Variants in ABLIM1 observed in about 807,000 individuals in gnomAD.
ABLIM1 encodes the protein actin binding LIM protein 1.
ABLIM1 carries 40 observed loss-of-function variants against 107.0 expected under a neutral mutation model. The ratio of observed to expected loss-of-function variants is 0.37; its 90% CI spans 0.29 to 0.49. ABLIM1 has a LOEUF of 0.49. ABLIM1 is among the 20% of genes least tolerant of loss of function. The probability of loss-of-function intolerance (pLI) is 0.97; values close to 1 mark genes in which losing one functional copy is unlikely to be tolerated. For synonymous variants in ABLIM1, 357 were observed against 357.3 expected (o/e 1.00, Z 0.01); for missense variants, 857 against 1,008.5 (o/e 0.85, Z 2.04).
intron 1 of ABLIM1, among the ~76,000 whole-genome samples, chr10:114,751,048 T>G (rs1367842505): frequency 2.0e-5 from 3 of 152,200 alleles, no homozygotes; most frequent in Non-Finnish European, 4.4e-5. Context: ...GATGCTTTAC[T>G]GCAAAGTCAA....
chr10:114,563,845 C>CAA (rs11285267), intron 4 of ABLIM1, among the ~76,000 whole-genome samples: 119 of 79,814 alleles, frequency 1.5e-3, no homozygotes, highest in African/African-American at 5.4e-3. Context: ...GGCTCCGTCT[C>CAA]AAAAAAAAAA....
In ABLIM1 at chr10:114,541,489, G is replaced by T. The variant is rs115924693; in HGVS notation, c.894+3516C>A. On this transcript the variant is annotated intron_variant, in intron 6 of 22. Transcript: ENST00000533213. ...ACCCAAGCATGAGAGGCCGAGGGAG[G>T]AGTGTGTGGAGACCGTCCTGCTTTG... Among the ~76,000 whole-genome samples the T allele has an allele frequency of 2.4e-3, 372 of 151,904 alleles. 3 individuals carry two copies. Among genetic ancestry groups the T allele is most frequent in the African/African-American group, 8.7e-3 (360 of 41,416 alleles).
At chr10:114,556,563 C>T (rs1326577132) in intron 4 of ABLIM1, among the ~76,000 whole-genome samples, 1 of 152,178 alleles carries the variant, frequency 6.6e-6, no homozygotes, top group East Asian at 1.9e-4. Context: ...CCCAGACTTT[C>T]CTTATGTTAT....
At chr10:114,765,290 C>A (rs1225694131) in intron 1 of ABLIM1, among the ~76,000 whole-genome samples, 1 of 152,046 alleles carries the variant, frequency 6.6e-6, no homozygotes, top group African/African-American at 2.4e-5. Context: ...CATGTTCCAC[C>A]CACCTCAGCC....
At chr10:114,752,612 C>A (rs2082540003) in intron 1 of ABLIM1, among the ~76,000 whole-genome samples, 4 of 152,074 alleles carry the variant, frequency 2.6e-5, no homozygotes, top group Admixed American at 2.0e-4. Context: ...GCCAACAGGC[C>A]CCAGTGTGTG....
intron 17 of ABLIM1, among the ~76,000 whole-genome samples, chr10:114,442,506 T>C (rs1420682879): frequency 1.3e-5 from 2 of 152,232 alleles, no homozygotes; most frequent in Non-Finnish European, 2.9e-5. Context: ...TATACATTCT[T>C]ATAGAGCAGA....
intron 22 of ABLIM1, among the ~76,000 whole-genome samples, chr10:114,436,578 C>T (rs768903177): frequency 5.9e-5 from 9 of 152,118 alleles, no homozygotes; most frequent in Non-Finnish European, 1.0e-4. Context: ...GATAAAAGAG[C>T]TGGCAGAGTA....
chr10:114,473,173 G>T, intron 9 of ABLIM1, 41 bp from the exon 10 acceptor site: 3 of 1,568,948 alleles, frequency 1.9e-6, no homozygotes, highest in South Asian at 2.4e-5. Context: ...CTTGTAGTCT[G>T]ACTGCTTTAG....
chr10:114,657,168 A>G (rs2079562673), intron 1 of ABLIM1, among the ~76,000 whole-genome samples: 1 of 152,232 alleles, frequency 6.6e-6, no homozygotes. Context: ...CTGGCTGTCC[A>G]AGAATGACGA....
At chr10:114,489,020 A>ATT (rs915410672) in intron 7 of ABLIM1, among the ~76,000 whole-genome samples, 2 of 150,546 alleles carry the variant, frequency 1.3e-5, no homozygotes, top group African/African-American at 4.9e-5. Context: ...TCTTTACCTC[A>ATT]TTTTTTTTTC....
intron 11 of ABLIM1, among the ~76,000 whole-genome samples, chr10:114,466,049 A>C (rs1196942517): frequency 6.6e-6 from 1 of 152,188 alleles, no homozygotes; most frequent in Non-Finnish European, 1.5e-5. Context: ...CTTATTACAA[A>C]ATTTTAAGAG....
chr10:114,566,091 G>T (rs74748267), intron 4 of ABLIM1, among the ~76,000 whole-genome samples: 7 of 152,160 alleles, frequency 4.6e-5, no homozygotes, highest in Non-Finnish European at 1.0e-4. Context: ...CACCGCGCCC[G>T]GTCGAAATGA....
At chr10:114,531,250 T>G (rs1164712547) in intron 6 of ABLIM1, among the ~76,000 whole-genome samples, 1 of 152,188 alleles carries the variant, frequency 6.6e-6, no homozygotes, top group Non-Finnish European at 1.5e-5. Context: ...GTTTTATAAA[T>G]GAAGAAAATG....
intron 8 of ABLIM1, among the ~76,000 whole-genome samples, chr10:114,474,400 A>T (rs1384567422): frequency 1.2e-3 from 50 of 42,278 alleles, no homozygotes; most frequent in Non-Finnish European, 6.9e-4. Context: ...TTTTTTTTTG[A>T]GACGGAGTCT....
chr10:114,584,806 T>C (rs2074006422), intron 2 of ABLIM1, among the ~76,000 whole-genome samples: 1 of 152,176 alleles, frequency 6.6e-6, no homozygotes, highest in Admixed American at 6.5e-5. Flanking sequence ...TGTATTTAAT[T>C]CAGAGTTTGA....
intron 1 of ABLIM1, among the ~76,000 whole-genome samples, chr10:114,664,422 T>C (rs1159900726): frequency 1.3e-5 from 2 of 152,236 alleles, no homozygotes; most frequent in Admixed American, 1.3e-4. Flanking sequence ...ACCATGCCAC[T>C]GTATCGTTAC....
chr10:114,756,714 T>C (rs2082637766), intron 1 of ABLIM1, among the ~76,000 whole-genome samples: 1 of 152,230 alleles, frequency 6.6e-6, no homozygotes, highest in Admixed American at 6.5e-5. Flanking sequence ...TTCCTGTGCT[T>C]AGAATGCTTT....
intron 6 of ABLIM1, among the ~76,000 whole-genome samples, chr10:114,492,128 CTA>C (rs1297449797): frequency 2.6e-5 from 4 of 152,036 alleles, no homozygotes; most frequent in African/African-American, 4.8e-5. Flanking sequence ...TTTCTGGCTT[CTA>C]TGTCTCCCTC....
chr10:114,642,367 A>T, intron 1 of ABLIM1, among the ~76,000 whole-genome samples: 1 of 152,220 alleles, frequency 6.6e-6, no homozygotes, highest in East Asian at 1.9e-4. Context: ...ACAGGACTAG[A>T]TGAAAAAGGT....
Sources: allele counts gnomAD v4.1 joint callset (sites outside exome capture counted in the v4.1 genomes callset), GRCh38; gene constraint gnomAD v4.1.1; transcripts MANE v1.5; gene names NCBI Gene and HGNC (gene_info 2026-07-23, HGNC 2026-07-21).